HDAC9: variants seen among roughly 807,000 people sequenced by gnomAD.
HDAC9 encodes the protein histone deacetylase 9.
In HDAC9, 41 loss-of-function variants were observed where a neutral mutation model predicts 139.4. That is an observed-to-expected ratio of 0.29 (90% CI 0.23 to 0.38). HDAC9 has a LOEUF of 0.38. HDAC9 is among the 10% of genes least tolerant of loss of function. The pLI, the probability that HDAC9 is intolerant of heterozygous loss-of-function variation, is 1.00. For synonymous variants in HDAC9, 517 were observed against 476.2 expected (o/e 1.09, Z -1.12); for missense variants, 1,147 against 1,297.0 (o/e 0.88, Z 1.78).
intron 2 of HDAC9, among the ~76,000 whole-genome samples, chr7:18,243,140 C>A (rs566743673): frequency 8.9e-4 from 136 of 152,162 alleles, no homozygotes; most frequent in African/African-American, 3.1e-3. Flanking sequence ...CATTCTTTTT[C>A]TGTGCATTTT....
At chr7:18,405,368 G>C (rs1485579571) in intron 1 of HDAC9, among the ~76,000 whole-genome samples, 1 of 152,018 alleles carries the variant, frequency 6.6e-6, no homozygotes, top group Admixed American at 6.6e-5. Flanking sequence ...ATTGATTCCT[G>C]TTCTAGATTG....
chr7:18,981,748 C>A (rs1380818049), intron 25 of HDAC9, among the ~76,000 whole-genome samples: 2 of 152,202 alleles, frequency 1.3e-5, no homozygotes, highest in Non-Finnish European at 2.9e-5. Flanking sequence ...GGATTAATTT[C>A]TCCACCTTAT....
chr7:18,921,779 G>A (rs1221591323), intron 22 of HDAC9, among the ~76,000 whole-genome samples: 3 of 151,956 alleles, frequency 2.0e-5, no homozygotes, highest in Admixed American at 6.6e-5. Context: ...ACATGTACAC[G>A]TATGTTTATT....
intron 1 of HDAC9, among the ~76,000 whole-genome samples, chr7:18,150,371 G>T (rs1245235463): frequency 6.6e-6 from 1 of 152,136 alleles, no homozygotes; most frequent in South Asian, 2.1e-4. Flanking sequence ...CTTTAGAGAT[G>T]ATCTGGTCTG....
At chr7:18,880,489 CA>C (rs1343597827) in intron 22 of HDAC9, among the ~76,000 whole-genome samples, 1 of 152,060 alleles carries the variant, frequency 6.6e-6, no homozygotes, top group Non-Finnish European at 1.5e-5. Context: ...AGAACAAGCT[CA>C]TGTCTTTTGT....
At chr7:18,989,404 A>G (rs1785665653) in intron 25 of HDAC9, among the ~76,000 whole-genome samples, 1 of 151,942 alleles carries the variant, frequency 6.6e-6, no homozygotes, top group Admixed American at 6.6e-5. Context: ...TGGCTTGTAG[A>G]GTTTCTGCCA....
intron 25 of HDAC9, among the ~76,000 whole-genome samples, chr7:18,990,913 A>T (rs1169498708): frequency 6.6e-6 from 1 of 152,164 alleles, no homozygotes; most frequent in African/African-American, 2.4e-5. Flanking sequence ...TCGCGCATGG[A>T]GCGCGCACCC....
chr7:18,758,705 T>C (rs1789100809), intron 14 of HDAC9, among the ~76,000 whole-genome samples: 1 of 152,130 alleles, frequency 6.6e-6, no homozygotes, highest in South Asian at 2.1e-4. Context: ...AGCTTAATCA[T>C]CCACCAAATT....
At chr7:18,807,666 G>T (rs1408004313) in intron 17 of HDAC9, among the ~76,000 whole-genome samples, 1 of 151,856 alleles carries the variant, frequency 6.6e-6, no homozygotes, top group African/African-American at 2.4e-5. Context: ...ATTTATGTTT[G>T]TTTTCTTATT....
At chr7:18,092,953 A>G (rs1474683800) in intron 1 of HDAC9, among the ~76,000 whole-genome samples, 1 of 152,204 alleles carries the variant, frequency 6.6e-6, no homozygotes, top group Non-Finnish European at 1.5e-5. Context: ...GACTGATTCC[A>G]CTAATCCTTG....
At chr7:18,178,139 A>G (rs1789087595) in intron 2 of HDAC9, among the ~76,000 whole-genome samples, 2 of 145,434 alleles carry the variant, frequency 1.4e-5, no homozygotes, top group Admixed American at 7.0e-5. Flanking sequence ...GCTGGAGTGC[A>G]GTGGCACAAT....
chr7:18,311,604 C>T (rs781727420), intron 1 of HDAC9, among the ~76,000 whole-genome samples: 2 of 152,080 alleles, frequency 1.3e-5, no homozygotes, highest in Non-Finnish European at 2.9e-5. Context: ...AGTGGCAAAT[C>T]CGCAGTTCAA....
intron 22 of HDAC9, among the ~76,000 whole-genome samples, chr7:18,913,640 A>G (rs577571410): frequency 4.1e-4 from 62 of 152,194 alleles, no homozygotes; most frequent in African/African-American, 1.3e-3. Flanking sequence ...GTAAGTTTTC[A>G]TTAAAGCTTT....
chr7:18,448,549 G>A (rs34498099), intron 1 of HDAC9, among the ~76,000 whole-genome samples: 1 of 152,028 alleles, frequency 6.6e-6, no homozygotes, highest in Non-Finnish European at 1.5e-5. Flanking sequence ...GGAAGAGAGG[G>A]TAACGTAACT....
chr7:18,608,701 G>A (rs1026807347), intron 6 of HDAC9, among the ~76,000 whole-genome samples: 3 of 152,106 alleles, frequency 2.0e-5, no homozygotes, highest in Admixed American at 6.6e-5. Flanking sequence ...TATAATGCTT[G>A]TAACATCTTC....
chr7:18,852,678 A>C (rs1197571881), intron 21 of HDAC9, among the ~76,000 whole-genome samples: 1 of 152,172 alleles, frequency 6.6e-6, no homozygotes, highest in African/African-American at 2.4e-5. Context: ...ATGAGCCTTA[A>C]GTAAAATTAA....
At chr7:18,669,636 T>C (rs1021593803) in intron 12 of HDAC9, among the ~76,000 whole-genome samples, 1 of 151,860 alleles carries the variant, frequency 6.6e-6, no homozygotes, top group Non-Finnish European at 1.5e-5. Flanking sequence ...AACTATAAAA[T>C]TACAGGACTA....
chr7:18,864,079 A>T (rs1241782379), intron 21 of HDAC9, among the ~76,000 whole-genome samples: 1 of 152,222 alleles, frequency 6.6e-6, no homozygotes, highest in African/African-American at 2.4e-5. Context: ...ACCATTTTAC[A>T]TTCTCACCAA....
intron 22 of HDAC9, among the ~76,000 whole-genome samples, chr7:18,905,637 C>A (rs1457749809): frequency 6.6e-6 from 1 of 152,120 alleles, no homozygotes; most frequent in Non-Finnish European, 1.5e-5. Context: ...AGAAACAAAC[C>A]TGCAAGTTTT....
Sources: gnomAD v4.1 joint callset for allele counts (sites outside exome capture counted in the v4.1 genomes callset) on GRCh38, gnomAD v4.1.1 for gene constraint, MANE v1.5 for transcripts, NCBI Gene and HGNC (gene_info 2026-07-23, HGNC 2026-07-21) for gene names.